ATP8B4: variants seen among roughly 807,000 people sequenced by gnomAD.
ATP8B4 encodes the protein probable phospholipid-transporting ATPase IM.
Under a neutral mutation model 145.6 loss-of-function variants are expected in ATP8B4, and 133 were observed. The observed-to-expected ratio is 0.91, with a 90% CI of 0.79 to 1.05. The LOEUF (loss-of-function observed/expected upper bound fraction) is 1.05. ATP8B4 is among the 50% of genes least tolerant of loss of function. ATP8B4 has a pLI of 0.00. For missense variants in ATP8B4, 1,458 were observed against 1,425.2 expected, an observed-to-expected ratio of 1.02 and a Z score of -0.37; for synonymous variants, 507 against 492.9, an observed-to-expected ratio of 1.03 and a Z score of -0.38.
At chr15:49,955,870 G>A (rs2043514296) in intron 14 of ATP8B4, among the ~76,000 whole-genome samples, 1 of 152,144 alleles carries the variant, frequency 6.6e-6, no homozygotes, top group South Asian at 2.1e-4. Context: ...CTGGGGAAAT[G>A]AGAATATGGT....
chr15:49,962,157 T>C lies in ATP8B4; in HGVS notation c.1244-137A>G. Reference sequence around the variant, plus strand: ...TTATGAATTTAAACAGGCGAATGGTTTTAGGAGTGCTTTCAAATTGTAACC... The same window carrying C: ...TTATGAATTTAAACAGGCGAATGGTCTTAGGAGTGCTTTCAAATTGTAACC... On this transcript the variant is annotated intron_variant, in intron 13 of 27. Coordinates refer to ENST00000284509, the MANE Select transcript of ATP8B4 (RefSeq NM_024837.4). 3 of 624,384 alleles carry C rather than the reference T, an allele frequency of 4.8e-6. No homozygotes were observed. The South Asian group carries it at 8.4e-5, about 17-fold the overall frequency. 38.7% of individuals were successfully genotyped at this position (624,384 alleles called of 1,614,324 possible). A position where few individuals can be genotyped will look rare whatever the true frequency, so the allele number is the denominator to read the frequency against.
At chr15:49,870,197 T>A (rs2033463248) in intron 25 of ATP8B4, among the ~76,000 whole-genome samples, 1 of 152,190 alleles carries the variant, frequency 6.6e-6, no homozygotes, top group South Asian at 2.1e-4. Flanking sequence ...CTGAATGTGT[T>A]GATTTGGAAA....
intron 3 of ATP8B4, among the ~76,000 whole-genome samples, chr15:50,066,990 TA>T (rs762887204): frequency 1.3e-5 from 2 of 152,156 alleles, no homozygotes. Flanking sequence ...AACACTTTCC[TA>T]CACTGTCCTC....
chr15:49,900,746 C>T (rs1203082506), intron 21 of ATP8B4, among the ~76,000 whole-genome samples: 2 of 152,124 alleles, frequency 1.3e-5, no homozygotes, highest in Admixed American at 6.5e-5. Flanking sequence ...TACATCCACC[C>T]AGTTGCATTA....
intron 14 of ATP8B4, among the ~76,000 whole-genome samples, chr15:49,938,932 A>C (rs2041947009): frequency 6.6e-6 from 1 of 152,160 alleles, no homozygotes; most frequent in Non-Finnish European, 1.5e-5. Context: ...TAGGACAAAA[A>C]TAGAAATCAA....
At chr15:49,991,007 A>G (rs2047003366) in intron 9 of ATP8B4, among the ~76,000 whole-genome samples, 1 of 152,096 alleles carries the variant, frequency 6.6e-6, no homozygotes, top group Non-Finnish European at 1.5e-5. Flanking sequence ...AGGCTCACCC[A>G]TCCATCATTA....
intron 1 of ATP8B4, among the ~76,000 whole-genome samples, chr15:50,132,275 T>C (rs545840067): frequency 1.3e-5 from 2 of 152,142 alleles, no homozygotes; most frequent in South Asian, 2.1e-4. Context: ...TGGATTCTTT[T>C]ATGGATCCAT....
chr15:50,150,563 A>G (rs911704651), intron 1 of ATP8B4, among the ~76,000 whole-genome samples: 2 of 152,240 alleles, frequency 1.3e-5, no homozygotes, highest in African/African-American at 4.8e-5. Context: ...ACTACGAGTC[A>G]TACTGAAACT....
rs1332454459 is a variant in ATP8B4, at chr15:50,129,335, A to G, written c.-42-22327T>C. ...TTCTAGAGGCTGGAAGACCAAAATC[A>G]AGGTGTTGGCAAAGCTGGTTTCTTA... On this transcript the variant is annotated intron_variant, in intron 1 of 3. Coordinates refer to the ATP8B4 transcript ENST00000558829. 2.0e-5 allele frequency among the ~76,000 whole-genome samples: 3 copies of G among 152,330 alleles called. No homozygotes were observed. The East Asian group carries it at 5.8e-4, about 29-fold the overall frequency.
intron 8 of ATP8B4, among the ~76,000 whole-genome samples, chr15:50,001,604 C>T (rs1350482897): frequency 6.6e-6 from 1 of 152,162 alleles, no homozygotes; most frequent in Admixed American, 6.6e-5. Flanking sequence ...TACATAGTGT[C>T]ATTAAAATGT....
In ATP8B4 at chr15:50,070,333, G is replaced by T. The variant is rs190330839; in HGVS notation, c.87+3794C>A. 7.9e-5 allele frequency among the ~76,000 whole-genome samples: 12 copies of T among 152,172 alleles called. 1 individual carries two copies. Among genetic ancestry groups the T allele is most frequent in the Admixed American group, 7.8e-4 (12 of 15,292 alleles). ...AAAAAAAAAGCTTAAAATCAGATAG[G>T]CATAGGTTCAAATCCCAGCTCTACT... On this transcript the variant is annotated intron_variant, in intron 3 of 27. Transcript: ENST00000284509.
At chr15:50,045,971 T>C (rs1018041213) in intron 4 of ATP8B4, among the ~76,000 whole-genome samples, 1 of 152,146 alleles carries the variant, frequency 6.6e-6, no homozygotes, top group Non-Finnish European at 1.5e-5. Context: ...TAGTAAGATG[T>C]TTATTCATTG....
chr15:50,010,830 A>G lies in ATP8B4; in HGVS notation c.435+15T>C, dbSNP rs2048673761. ...TAATCTGAGATAAATTATTCAAACAATATTGAATACTTACAGCAACAAATT... is the reference window on the plus strand; with the variant it reads ...TAATCTGAGATAAATTATTCAAACAGTATTGAATACTTACAGCAACAAATT... On this transcript the variant is annotated intron_variant, in intron 7 of 27. Transcript: ENST00000284509. The G allele has an allele frequency of 5.4e-6, 8 of 1,474,136 alleles. No individual in the cohort carries two copies. The highest frequency in any genetic ancestry group is 2.2e-5 in the Admixed American group (1 of 45,668). 91.3% of individuals were successfully genotyped at this position (1,474,136 alleles called of 1,614,324 possible). A position where few individuals can be genotyped will look rare whatever the true frequency, so the allele number is the denominator to read the frequency against.
intron 12 of ATP8B4, among the ~76,000 whole-genome samples, chr15:49,974,394 G>C (rs2045482320): frequency 8.7e-6 from 1 of 115,186 alleles, no homozygotes; most frequent in South Asian, 3.0e-4. Context: ...CCAGCCACTT[G>C]TCCTTTTTTT....
At chr15:50,006,096 A>G (rs2048278436) in intron 7 of ATP8B4, among the ~76,000 whole-genome samples, 1 of 152,184 alleles carries the variant, frequency 6.6e-6, no homozygotes, top group Admixed American at 6.5e-5. Flanking sequence ...TAACGTTTGT[A>G]TTTAAAATTT....
At chr15:50,056,366 C>T (rs1318364132) in intron 3 of ATP8B4, among the ~76,000 whole-genome samples, 1 of 152,130 alleles carries the variant, frequency 6.6e-6, no homozygotes, top group East Asian at 1.9e-4. Flanking sequence ...CAGGAACAAG[C>T]AGACAATAAA....
At chr15:50,149,545 T>C (rs781063942) in intron 1 of ATP8B4, among the ~76,000 whole-genome samples, 18 of 152,112 alleles carry the variant, frequency 1.2e-4, no homozygotes, top group Non-Finnish European at 1.2e-4. Flanking sequence ...AGGAGCTCTT[T>C]AGAGAAATAA....
chr15:49,952,258 A>G (rs540779463), intron 14 of ATP8B4, among the ~76,000 whole-genome samples: 22 of 152,300 alleles, frequency 1.4e-4, no homozygotes, highest in Non-Finnish European at 2.8e-4. Flanking sequence ...AGGTTAGGGA[A>G]GTTCTCCTGG....
At chr15:50,062,743 G>A (rs1222051335) in intron 3 of ATP8B4, among the ~76,000 whole-genome samples, 1 of 152,118 alleles carries the variant, frequency 6.6e-6, no homozygotes, top group African/African-American at 2.4e-5. Context: ...ACAACATGCA[G>A]TTTATTAATT....
Sources: gnomAD v4.1 joint callset for allele counts (sites outside exome capture counted in the v4.1 genomes callset) on GRCh38, gnomAD v4.1.1 for gene constraint, MANE v1.5 for transcripts, NCBI Gene and HGNC (gene_info 2026-07-23, HGNC 2026-07-21) for gene names.